The following CCDC93 variants were observed in gnomAD, a reference collection of about 807,000 sequenced individuals.
CCDC93 encodes the protein coiled-coil domain-containing protein 93.
A neutral mutation model predicts 108.2 loss-of-function variants in CCDC93; 61 were observed. The ratio of observed to expected loss-of-function variants is 0.56; its 90% CI spans 0.46 to 0.70. The LOEUF is 0.70. Ranked by LOEUF, CCDC93 falls within the 30% of genes least tolerant of loss-of-function variation. CCDC93 has a pLI of 0.00. For missense variants in CCDC93, 685 were observed against 764.2 expected (o/e 0.90, Z 1.22); for synonymous variants, 276 against 260.4 (o/e 1.06, Z -0.58).
In CCDC93 at chr2:117,920,312, A is replaced by G. The variant is rs1204481267; in HGVS notation, c.*31T>C. 3.8e-6 allele frequency: 6 copies of G among 1,565,600 alleles called. No homozygotes were observed. The East Asian group carries it at 1.3e-4, about 35-fold the overall frequency. On this transcript the variant is annotated 3_prime_UTR_variant, in exon 24 of 24. Coordinates refer to ENST00000376300, the MANE Select transcript of CCDC93 (RefSeq NM_019044.5). ...GTGATATACGGTGCTTAAAAGTAAA[A>G]TCAATGACATACAGCCACGGCTGGG...
chr2:117,987,609 T>A (rs928678744), intron 6 of CCDC93, among the ~76,000 whole-genome samples: 2 of 152,222 alleles, frequency 1.3e-5, no homozygotes, highest in Admixed American at 1.3e-4. Flanking sequence ...TGGGCCTCAG[T>A]TTCTGTATCT....
chr2:118,003,616 A>G (rs72838036), intron 3 of CCDC93, among the ~76,000 whole-genome samples: 8,548 of 152,176 alleles, frequency 0.056, 293 homozygotes, highest in Non-Finnish European at 0.082. Flanking sequence ...GACCCACACC[A>G]CCATCCAGCC....
intron 4 of CCDC93, chr2:117,999,378 A>T (rs1680762784): frequency 6.6e-6 from 1 of 152,232 alleles, no homozygotes; most frequent in African/African-American, 2.4e-5. Flanking sequence ...GCCCTTAAGC[A>T]AATCAATTAC....
At chr2:117,985,013 G>C (rs1287361026) in intron 7 of CCDC93, among the ~76,000 whole-genome samples, 1 of 145,754 alleles carries the variant, frequency 6.9e-6, no homozygotes, top group African/African-American at 2.8e-5. Context: ...CTGACTTGGA[G>C]GAGGCATTCA....
intron 19 of CCDC93, 71 bp downstream of exon 19, chr2:117,941,118 G>A: frequency 1.9e-6 from 2 of 1,079,128 alleles, no homozygotes; most frequent in South Asian, 2.6e-5. Context: ...GCTCCCCCAT[G>A]CTAAAGTGGA....
intron 6 of CCDC93, 40 bp downstream of exon 6, chr2:117,995,406 A>C (rs1487703296): frequency 6.8e-7 from 1 of 1,475,644 alleles, no homozygotes; most frequent in Admixed American, 1.7e-5. Flanking sequence ...ATCTGAGGCT[A>C]CGCAGGACTC....
At chr2:117,932,845 T>G (rs996236319) in intron 22 of CCDC93, among the ~76,000 whole-genome samples, 10 of 152,352 alleles carry the variant, frequency 6.6e-5, no homozygotes, top group Non-Finnish European at 1.3e-4. Context: ...AGACATCTTT[T>G]CTGCTGCACT....
intron 11 of CCDC93, among the ~76,000 whole-genome samples, chr2:117,972,598 T>A (rs992815586): frequency 2.1e-5 from 3 of 144,876 alleles, no homozygotes; most frequent in Non-Finnish European, 4.5e-5. Context: ...GGGTGCTCTA[T>A]CCAGTTGTCA....
Position 117,974,851 on chromosome 2 carries a change from T to C in CCDC93, c.800A>G (p.Glu267Gly). 1 of 1,570,788 alleles carries C rather than the reference T, an allele frequency of 6.4e-7. No individual in the cohort carries two copies. Among genetic ancestry groups the C allele is most frequent in the Non-Finnish European group, 8.6e-7 (1 of 1,157,028 alleles). ...MTKMTAMANE[E>G]SRLTASSVGQ... ...CACACCTCCCCGACTCCCACTCACC[T>C]CCTCATTTGCCATAGCGGTCATCTT... The change falls in exon 10 of 24, where the codon GAG becomes GGG. Residue 267 changes from glutamate (E) to glycine (G), a missense_variant and splice_region_variant. Glu to Gly is a moderately conservative substitution (Grantham distance 98). Coordinates refer to ENST00000376300, the MANE Select transcript of CCDC93 (RefSeq NM_019044.5).
At chr2:117,935,181 T>G (rs988192837) in intron 22 of CCDC93, among the ~76,000 whole-genome samples, 1 of 152,168 alleles carries the variant, frequency 6.6e-6, no homozygotes, top group African/African-American at 2.4e-5. Context: ...TCTCCTCATC[T>G]GTAAAATGGG....
chr2:118,013,881 C>A, intron 1 of CCDC93, 73 bp downstream of exon 1: 1 of 1,397,594 alleles, frequency 7.2e-7, no homozygotes, highest in Non-Finnish European at 9.7e-7. Flanking sequence ...AGGGCCCGCT[C>A]AGCCCGCCGC....
intron 12 of CCDC93, among the ~76,000 whole-genome samples, chr2:117,953,410 C>T (rs1679121276): frequency 6.6e-6 from 1 of 152,078 alleles, no homozygotes. Context: ...GTTCTGGTGC[C>T]CCCCTTTTCA....
intron 7 of CCDC93, among the ~76,000 whole-genome samples, chr2:117,978,393 TA>T (rs1348670950): frequency 6.6e-6 from 1 of 152,238 alleles, no homozygotes; most frequent in Admixed American, 6.5e-5. Context: ...TGTGTTTCCT[TA>T]AGCCAAATAT....
At chr2:117,973,296 C>T (rs950131098) in intron 11 of CCDC93, among the ~76,000 whole-genome samples, 5 of 151,868 alleles carry the variant, frequency 3.3e-5, no homozygotes, top group African/African-American at 1.2e-4. Flanking sequence ...GCAACAATGT[C>T]CTGTAAATCT....
intron 8 of CCDC93, among the ~76,000 whole-genome samples, chr2:117,977,237 G>A (rs1190898115): frequency 6.6e-6 from 1 of 152,126 alleles, no homozygotes; most frequent in Non-Finnish European, 1.5e-5. Flanking sequence ...GAAGGCAGTG[G>A]CTATGAGCAC....
intron 18 of CCDC93, among the ~76,000 whole-genome samples, chr2:117,943,209 AT>A (rs1248946954): frequency 6.6e-6 from 1 of 152,200 alleles, no homozygotes; most frequent in African/African-American, 2.4e-5. Context: ...ACTTTGATGT[AT>A]ATATAGACAT....
intron 11 of CCDC93, among the ~76,000 whole-genome samples, chr2:117,970,151 CAG>C (rs1457140155): frequency 6.6e-6 from 1 of 152,152 alleles, no homozygotes; most frequent in African/African-American, 2.4e-5. Flanking sequence ...GACTTTACCA[CAG>C]AACTGCATAA....
chr2:117,981,840 T>G (rs2104793582), intron 7 of CCDC93, among the ~76,000 whole-genome samples: 1 of 152,266 alleles, frequency 6.6e-6, no homozygotes, highest in East Asian at 1.9e-4. Flanking sequence ...GCTACCATAC[T>G]GGACACCACA....
intron 20 of CCDC93, among the ~76,000 whole-genome samples, chr2:117,937,772 G>A (rs1678569743): frequency 6.6e-6 from 1 of 152,216 alleles, no homozygotes; most frequent in Admixed American, 6.5e-5. Context: ...TATTCCCCAG[G>A]TCTGATGCAA....
Sources: gnomAD v4.1 joint callset for allele counts (sites outside exome capture counted in the v4.1 genomes callset) on GRCh38, gnomAD v4.1.1 for gene constraint, MANE v1.5 for transcripts, NCBI Gene and HGNC (gene_info 2026-07-23, HGNC 2026-07-21) for gene names.